ZNF880: variants seen among roughly 807,000 people sequenced by gnomAD.
The protein encoded by ZNF880 is zinc finger protein 880, also known as zinc finger protein LOC400713.
In ZNF880, 12 loss-of-function variants were observed where a neutral mutation model predicts 11.8. The observed-to-expected ratio is 1.02, with a 90% CI of 0.65 to 1.65. The LOEUF is 1.65. Among genes scored for constraint, ZNF880 ranks in the 40% most tolerant of loss-of-function variants. The pLI, the probability that ZNF880 is intolerant of heterozygous loss-of-function variation, is 0.00. For synonymous variants in ZNF880, 210 were observed against 232.4 expected (o/e 0.90, Z 0.88); for missense variants, 601 against 673.9 (o/e 0.89, Z 1.20).
intron 1 of ZNF880, among the ~76,000 whole-genome samples, chr19:52,370,808 G>A (rs78465412): frequency 0.026 from 4,025 of 152,272 alleles, 177 homozygotes; most frequent in African/African-American, 0.092. Flanking sequence ...CGACAGCCAG[G>A]CACAGTGGTG....
At chr19:52,375,380 C>T (rs1033524343) in intron 3 of ZNF880, among the ~76,000 whole-genome samples, 12 of 150,970 alleles carry the variant, frequency 7.9e-5, no homozygotes, top group Admixed American at 2.6e-4. Flanking sequence ...TTAGTGGAAA[C>T]GGGGTTTCAC....
At chr19:52,376,155 A>G (rs1309678199) in intron 3 of ZNF880, among the ~76,000 whole-genome samples, 1 of 151,960 alleles carries the variant, frequency 6.6e-6, no homozygotes, top group East Asian at 1.9e-4. Flanking sequence ...TTGTATAATG[A>G]CTTCTTTTCC....
intron 3 of ZNF880, among the ~76,000 whole-genome samples, chr19:52,383,380 G>A (rs182699096): frequency 1.1e-3 from 164 of 151,932 alleles, no homozygotes; most frequent in African/African-American, 3.8e-3. Flanking sequence ...TTTAGGTTTG[G>A]TAAAGCAACC....
downstream of ZNF880, chr19:52,390,248 A>C: frequency 3.6e-6 from 1 of 276,074 alleles, no homozygotes; most frequent in Non-Finnish European, 7.6e-6. Flanking sequence ...TAAAGTCCTC[A>C]CCGCAAGGTT....
chr19:52,374,494 T>G (rs1235684934), intron 3 of ZNF880, 67 bp downstream of exon 3: 1 of 1,540,810 alleles, frequency 6.5e-7, no homozygotes, highest in East Asian at 2.4e-5. Context: ...GGTCTTGCTC[T>G]GTCACCCAGG....
chr19:52,370,058 A>C (rs568629198), intron 1 of ZNF880, 81 bp downstream of exon 1: 1 of 1,513,554 alleles, frequency 6.6e-7, no homozygotes, highest in Non-Finnish European at 9.0e-7. Flanking sequence ...GGGGTCACAC[A>C]GACCTTGAAA....
chr19:52,377,449 T>A (rs1986588460), intron 3 of ZNF880, among the ~76,000 whole-genome samples: 1 of 152,096 alleles, frequency 6.6e-6, no homozygotes, highest in African/African-American at 2.4e-5. Context: ...CATCTAATAG[T>A]TTTCTATGAT....
chr19:52,369,862 G>C (rs576253185), upstream of ZNF880: 1 of 1,453,968 alleles, frequency 6.9e-7, no homozygotes, highest in South Asian at 1.2e-5. Context: ...GCGGAGGGAA[G>C]CGCAGGCTCC....
the ZNF880 span, among the ~76,000 whole-genome samples, chr19:52,393,922 C>T: frequency 1.1e-4 from 17 of 150,078 alleles, 1 homozygote; most frequent in African/African-American, 1.5e-4. Context: ...CTGCAAGCTC[C>T]GCCTCCTGAG....
At chr19:52,392,128 G>A in the ZNF880 span, among the ~76,000 whole-genome samples, 1 of 152,094 alleles carries the variant, frequency 6.6e-6, no homozygotes. Flanking sequence ...ACACAACTTG[G>A]AGAAACAATT....
downstream of ZNF880, among the ~76,000 whole-genome samples, chr19:52,388,357 A>T (rs1206066300): frequency 7.9e-6 from 1 of 126,950 alleles, no homozygotes; most frequent in African/African-American, 3.2e-5. Context: ...ATCTTGGCTC[A>T]TGGCAACCTC....
chr19:52,393,492 A>G, the ZNF880 span, among the ~76,000 whole-genome samples: 20 of 152,208 alleles, frequency 1.3e-4, no homozygotes, highest in African/African-American at 4.8e-4. Context: ...TGAGAAAGGG[A>G]AAAAATACTT....
chr19:52,382,219 G>A (rs2122398160), intron 3 of ZNF880, among the ~76,000 whole-genome samples: 1 of 152,204 alleles, frequency 6.6e-6, no homozygotes, highest in South Asian at 2.1e-4. Context: ...GGAGGTTGCA[G>A]TGGGCCAAGA....
Position 52,384,204 on chromosome 19 carries a change from A to T in ZNF880, c.624A>T (p.Ala208=). The change falls in exon 4 of 4, where the codon GCA becomes GCT. Residue 208 remains alanine, a synonymous_variant. Coordinates refer to ENST00000422689, the MANE Select transcript of ZNF880 (RefSeq NM_001145434.2). ...RLANNQVIHT[A]DNPYKCNECD... is the part of the protein sequence containing the mutation. Reference sequence around the variant, plus strand: ...CTAACAATCAAGTAATCCACACTGCAGATAACCCTTACAAATGTAATGAAT... The same window carrying T: ...CTAACAATCAAGTAATCCACACTGCTGATAACCCTTACAAATGTAATGAAT... 6.2e-7 allele frequency: 1 copy of T among 1,612,096 alleles called. No homozygotes were observed. The highest frequency in any genetic ancestry group is 8.5e-7 in the Non-Finnish European group (1 of 1,178,778).
At chr19:52,374,694 A>C in intron 3 of ZNF880, 1 of 619,610 alleles carries the variant, frequency 1.6e-6, no homozygotes, top group Non-Finnish European at 2.9e-6. Context: ...ATTCTTTGGG[A>C]AAATAAAAGT....
the ZNF880 span, among the ~76,000 whole-genome samples, chr19:52,394,220 A>G: frequency 6.6e-6 from 1 of 152,002 alleles, no homozygotes; most frequent in Non-Finnish European, 1.5e-5. Context: ...TTGCTAGTGT[A>G]TAGAAATATA....
rs960751008 is a variant in ZNF880, at chr19:52,372,995, T to TA, written c.13-109dup. The TA allele has an allele frequency of 1.1e-4, 104 of 955,238 alleles. 1 individual carries two copies. Among genetic ancestry groups the TA allele is most frequent in the Admixed American group, 3.6e-4 (18 of 49,384 alleles). The allele number at this position is 955,238 out of a possible 1,614,324, so 59.2% of individuals were successfully genotyped here. A position where few individuals can be genotyped will look rare whatever the true frequency, so the allele number is the denominator to read the frequency against. On this transcript the variant is annotated intron_variant, in intron 1 of 3. Transcript: ENST00000422689. ...ACACAATTAGAAACATATAACTAGC[T>TA]AAAAAAATACCTTAACGTGGATTTG...
Position 52,384,873 on chromosome 19 carries a change from T to G in ZNF880, c.1293T>G (p.Thr431=), listed in dbSNP as rs766540643. The G allele has an allele frequency of 8.2e-6, 13 of 1,576,116 alleles. No homozygotes were observed. Among genetic ancestry groups the G allele is most frequent in the Non-Finnish European group, 1.1e-5 (13 of 1,161,452 alleles). The change falls in exon 4 of 4, where the codon ACT becomes ACG. Residue 431 remains threonine, a synonymous_variant. Coordinates refer to ENST00000422689, the MANE Select transcript of ZNF880 (RefSeq NM_001145434.2). ...TTACTGCCCATCTACTAATTCACAC[T>G]GGAGAGAAACCTTACAAATGTAAAG... The part of the protein sequence containing the change: ...SGLTAHLLIH[T]GEKPYKCKEC...
upstream of ZNF880, chr19:52,366,998 C>G: frequency 4.2e-6 from 2 of 479,290 alleles, no homozygotes; most frequent in Non-Finnish European, 7.3e-6. Flanking sequence ...TTAATGAAAA[C>G]TACCAGTATA....
Sources: allele counts gnomAD v4.1 joint callset (sites outside exome capture counted in the v4.1 genomes callset), GRCh38; gene constraint gnomAD v4.1.1; transcripts MANE v1.5; gene names NCBI Gene and HGNC (gene_info 2026-07-23, HGNC 2026-07-21).